TRPM3: variants seen among roughly 807,000 people sequenced by gnomAD.
The protein encoded by TRPM3 is transient receptor potential cation channel subfamily M member 3, also known as long transient receptor potential channel 3.
A neutral mutation model predicts 181.2 loss-of-function variants in TRPM3; 77 were observed. That is an observed-to-expected ratio of 0.42 (90% CI 0.35 to 0.51). TRPM3 has a LOEUF of 0.51. TRPM3 is among the 20% of genes least tolerant of loss of function. The probability of loss-of-function intolerance (pLI) is 0.01; values close to 1 mark genes in which losing one functional copy is unlikely to be tolerated. For missense variants in TRPM3, 1,759 were observed against 2,196.7 expected (o/e 0.80, Z 3.98); for synonymous variants, 745 against 796.4 (o/e 0.94, Z 1.09).
intron 21 of TRPM3, among the ~76,000 whole-genome samples, chr9:70,598,019 T>G (rs537122229): frequency 6.6e-6 from 1 of 152,334 alleles, no homozygotes; most frequent in South Asian, 2.1e-4. Context: ...TTCTGACCTA[T>G]ATTATCTTTT....
chr9:71,351,807 G>C (rs1336773567), intron 1 of TRPM3, among the ~76,000 whole-genome samples: 1 of 151,786 alleles, frequency 6.6e-6, no homozygotes, highest in Non-Finnish European at 1.5e-5. Flanking sequence ...AAGGTTATGG[G>C]AGGAGAGGCA....
intron 22 of TRPM3, among the ~76,000 whole-genome samples, chr9:70,561,924 G>T (rs1237267590): frequency 1.3e-5 from 2 of 152,166 alleles, no homozygotes; most frequent in East Asian, 3.9e-4. Context: ...GTTAGTTTAA[G>T]CATACTATTC....
intron 1 of TRPM3, among the ~76,000 whole-genome samples, chr9:71,228,389 C>T (rs533427156): frequency 9.2e-5 from 14 of 152,024 alleles, no homozygotes; most frequent in Non-Finnish European, 2.1e-4. Flanking sequence ...TGGGGAAAAA[C>T]AAACTTTTCC....
intron 1 of TRPM3, among the ~76,000 whole-genome samples, chr9:71,010,930 C>T (rs28750737): frequency 1.2e-3 from 76 of 63,074 alleles, no homozygotes; most frequent in East Asian, 3.1e-3. Flanking sequence ...CACACACACA[C>T]ATACACACAC....
At chr9:71,186,129 C>T (rs926925182) in intron 1 of TRPM3, among the ~76,000 whole-genome samples, 4 of 152,010 alleles carry the variant, frequency 2.6e-5, no homozygotes, top group Non-Finnish European at 5.9e-5. Flanking sequence ...TCTCAACCTT[C>T]ACAGGACCAT....
intron 1 of TRPM3, among the ~76,000 whole-genome samples, chr9:70,880,235 C>G (rs1034374767): frequency 6.6e-6 from 1 of 151,994 alleles, no homozygotes; most frequent in Non-Finnish European, 1.5e-5. Flanking sequence ...CAGTAGATAT[C>G]ATTATTTAAA....
chr9:71,286,808 CAA>C (rs979618819), intron 1 of TRPM3, among the ~76,000 whole-genome samples: 20 of 151,374 alleles, frequency 1.3e-4, no homozygotes, highest in African/African-American at 4.4e-4. Context: ...TCCTGTTTTT[CAA>C]AATGCCAACC....
At chr9:70,657,198 TAAA>T (rs3073513) in intron 9 of TRPM3, among the ~76,000 whole-genome samples, 3,081 of 117,614 alleles carry the variant, frequency 0.026, 122 homozygotes, top group African/African-American at 0.08. Context: ...GGGCTTGAGG[TAAA>T]AAAAAAAAAA....
intron 6 of TRPM3, among the ~76,000 whole-genome samples, chr9:70,791,040 A>G (rs1564307453): frequency 6.6e-6 from 1 of 152,192 alleles, no homozygotes; most frequent in Admixed American, 6.5e-5. Flanking sequence ...TAGGTCTTCT[A>G]TGGAGGCAGG....
chr9:71,074,719 C>T (rs1365592328), intron 1 of TRPM3, among the ~76,000 whole-genome samples: 1 of 152,118 alleles, frequency 6.6e-6, no homozygotes, highest in African/African-American at 2.4e-5. Flanking sequence ...TGAAATATTA[C>T]ATAGTACATT....
chr9:71,330,080 T>A (rs2090001434), intron 1 of TRPM3, among the ~76,000 whole-genome samples: 1 of 150,020 alleles, frequency 6.7e-6, no homozygotes, highest in Non-Finnish European at 1.5e-5. Flanking sequence ...AGCTGCAGCA[T>A]AGTGCCCAGC....
At chr9:71,277,654 T>C (rs1001814972) in intron 1 of TRPM3, among the ~76,000 whole-genome samples, 1 of 152,174 alleles carries the variant, frequency 6.6e-6, no homozygotes, top group Non-Finnish European at 1.5e-5. Flanking sequence ...TCATGTAAAA[T>C]GCAGAGCACC....
intron 1 of TRPM3, among the ~76,000 whole-genome samples, chr9:71,117,879 C>T (rs2134322241): frequency 6.6e-6 from 1 of 152,258 alleles, no homozygotes; most frequent in East Asian, 1.9e-4. Flanking sequence ...GAAGCCTTCC[C>T]TTCAGTAAGT....
At chr9:71,243,460 T>C (rs2081843425) in intron 1 of TRPM3, among the ~76,000 whole-genome samples, 1 of 152,234 alleles carries the variant, frequency 6.6e-6, no homozygotes, top group South Asian at 2.1e-4. Flanking sequence ...CTCTGGCATA[T>C]CATTTCATTT....
At chr9:70,648,632 CAA>C (rs61602802) in intron 9 of TRPM3, among the ~76,000 whole-genome samples, 1 of 147,792 alleles carries the variant, frequency 6.8e-6, no homozygotes, top group Admixed American at 6.7e-5. Flanking sequence ...CATACTAGTA[CAA>C]AAAAAAAAGA....
chr9:70,921,957 AC>A, intron 1 of TRPM3, among the ~76,000 whole-genome samples: 1 of 151,714 alleles, frequency 6.6e-6, no homozygotes, highest in East Asian at 1.9e-4. Flanking sequence ...ACACACACAC[AC>A]ACACACACAC....
At chr9:71,259,002 G>A (rs577528168) in intron 1 of TRPM3, among the ~76,000 whole-genome samples, 16 of 152,110 alleles carry the variant, frequency 1.1e-4, no homozygotes, top group Admixed American at 6.5e-4. Flanking sequence ...CCATCAACCC[G>A]TCATCTACAT....
At chr9:71,171,074 G>A (rs1365091115) in intron 1 of TRPM3, among the ~76,000 whole-genome samples, 1 of 152,154 alleles carries the variant, frequency 6.6e-6, no homozygotes, top group East Asian at 1.9e-4. Flanking sequence ...GACTGCAGAG[G>A]TGAAATAGAC....
At chr9:71,408,368 C>T (rs532904245) in intron 1 of TRPM3, among the ~76,000 whole-genome samples, 14 of 152,188 alleles carry the variant, frequency 9.2e-5, no homozygotes, top group East Asian at 1.9e-4. Context: ...AAAGATTAGA[C>T]GAATGGCTAA....
Sources: allele counts gnomAD v4.1 joint callset (sites outside exome capture counted in the v4.1 genomes callset), GRCh38; gene constraint gnomAD v4.1.1; transcripts MANE v1.5; gene names NCBI Gene and HGNC (gene_info 2026-07-23, HGNC 2026-07-21).